GRM1: variants seen among roughly 807,000 people sequenced by gnomAD.
GRM1 encodes the protein metabotropic glutamate receptor 1.
GRM1 carries 33 observed loss-of-function variants against 90.9 expected under a neutral mutation model. The ratio of observed to expected loss-of-function variants is 0.36; its 90% confidence interval spans 0.28 to 0.49. The LOEUF is 0.49. Among genes scored for constraint, GRM1 ranks in the 20% least tolerant of loss-of-function variants. The pLI is 0.99. For synonymous variants in GRM1, 700 were observed against 613.2 expected (o/e 1.14, Z -2.09); for missense variants, 1,190 against 1,534.3 (o/e 0.78, Z 3.75).
intron 5 of GRM1, among the ~76,000 whole-genome samples, chr6:146,371,661 C>T (rs992619138): frequency 1.2e-4 from 18 of 152,066 alleles, no homozygotes; most frequent in African/African-American, 4.1e-4. Context: ...CTACTATGTC[C>T]GTGAGTTCAA....
chr6:146,346,069 C>T (rs981558156), intron 3 of GRM1, among the ~76,000 whole-genome samples: 5 of 152,224 alleles, frequency 3.3e-5, no homozygotes, highest in African/African-American at 7.2e-5. Context: ...GATTGATCCT[C>T]GGCATCACTT....
chr6:146,301,089 C>G lies in GRM1; in HGVS notation c.951-3522C>G, dbSNP rs557961703. On this transcript the variant is annotated intron_variant, in intron 2 of 7. Coordinates refer to ENST00000282753, the MANE Select transcript of GRM1 (RefSeq NM_001278064.2). ...CATGATAGCATTCTCTAACACCTTACCTGTGATAGATTTAAGATCTCATAC... is the reference window on the plus strand; with the variant it reads ...CATGATAGCATTCTCTAACACCTTAGCTGTGATAGATTTAAGATCTCATAC... 1.2e-4 allele frequency among the ~76,000 whole-genome samples: 19 copies of G among 152,190 alleles called. No individual in the cohort carries two copies. The South Asian group carries it at 4.0e-3, about 32-fold the overall frequency.
At chr6:146,358,093 A>G (rs1785658221) in intron 5 of GRM1, among the ~76,000 whole-genome samples, 1 of 152,214 alleles carries the variant, frequency 6.6e-6, no homozygotes, top group Non-Finnish European at 1.5e-5. Context: ...AACAACCAAA[A>G]TACCAGAAGT....
chr6:146,363,246 C>T (rs1775558871), intron 5 of GRM1, among the ~76,000 whole-genome samples: 2 of 152,196 alleles, frequency 1.3e-5, no homozygotes, highest in African/African-American at 4.8e-5. Flanking sequence ...CTTCAAGCCT[C>T]TGCAGAGATT....
intron 1 of GRM1, among the ~76,000 whole-genome samples, chr6:146,072,448 G>T (rs6929892): frequency 0.021 from 3,238 of 152,102 alleles, 111 homozygotes; most frequent in African/African-American, 0.074. Flanking sequence ...AAGAACCAAT[G>T]GATAAAACTT....
At chr6:146,359,524 A>G (rs1775379081) in intron 5 of GRM1, among the ~76,000 whole-genome samples, 1 of 152,202 alleles carries the variant, frequency 6.6e-6, no homozygotes, top group Non-Finnish European at 1.5e-5. Flanking sequence ...CAGGTTATAT[A>G]TGGAAAAAAT....
At chr6:146,245,547 T>A (rs1213461292) in intron 2 of GRM1, among the ~76,000 whole-genome samples, 1 of 152,188 alleles carries the variant, frequency 6.6e-6, no homozygotes, top group East Asian at 1.9e-4. Context: ...CAAGGACAGA[T>A]GATCAGATTT....
At chr6:146,344,563 T>C (rs1257519244) in intron 3 of GRM1, among the ~76,000 whole-genome samples, 4 of 152,192 alleles carry the variant, frequency 2.6e-5, no homozygotes, top group Admixed American at 1.3e-4. Flanking sequence ...GGGATAGATA[T>C]TGACTAAAGT....
chr6:146,040,530 G>C (rs1791060623), intron 1 of GRM1, among the ~76,000 whole-genome samples: 1 of 151,930 alleles, frequency 6.6e-6, no homozygotes, highest in African/African-American at 2.4e-5. Context: ...AGTTAGCTTT[G>C]CTGGGTACAG....
chr6:146,426,014 CAACAGGTGGGTCTG>C (rs1048657916), intron 7 of GRM1, among the ~76,000 whole-genome samples: 39 of 152,326 alleles, frequency 2.6e-4, no homozygotes, highest in African/African-American at 8.9e-4. Flanking sequence ...CTTCCAATCT[CAACAGGTGGGTCTG>C]TTGCTGCTCC....
intron 6 of GRM1, 73 bp downstream of exon 6, chr6:146,387,089 A>T: frequency 7.4e-7 from 1 of 1,359,514 alleles, no homozygotes; most frequent in Non-Finnish European, 1.1e-6. Context: ...CTCAAATGAG[A>T]ATGATTAGCT....
chr6:146,379,128 G>A (rs1776220330), intron 5 of GRM1, among the ~76,000 whole-genome samples: 1 of 151,970 alleles, frequency 6.6e-6, no homozygotes. Flanking sequence ...TCTATATTTG[G>A]GAAGTTCTCT....
chr6:146,333,900 GA>G (rs753131503), intron 3 of GRM1, among the ~76,000 whole-genome samples: 12 of 149,206 alleles, frequency 8.0e-5, no homozygotes, highest in East Asian at 3.9e-4. Flanking sequence ...ACAGAAAAAG[GA>G]AAAAAAAATG....
chr6:146,399,812 T>A lies in GRM1; in HGVS notation c.2660+113T>A. 1 of 743,976 alleles carries A rather than the reference T, an allele frequency of 1.3e-6. No homozygotes were observed. Among genetic ancestry groups the A allele is most frequent in the Non-Finnish European group, 2.3e-6 (1 of 430,394 alleles). The allele number at this position is 743,976 out of a possible 1,614,324, so 46.1% of individuals were successfully genotyped here. A position where few individuals can be genotyped will look rare whatever the true frequency, so the allele number is the denominator to read the frequency against. On this transcript the variant is annotated intron_variant, in intron 7 of 7. Coordinates refer to ENST00000282753, the MANE Select transcript of GRM1 (RefSeq NM_001278064.2). The surrounding 1 kb of genome is among the most constrained non-coding windows in gnomAD (Gnocchi z 5.4). ...CATATCTTCCTCTAGTTTTCTGAGT[T>A]GTCTCTTCCATTTCCCCCATGTCTT...
At chr6:146,318,040 G>T (rs1364212826) in intron 3 of GRM1, among the ~76,000 whole-genome samples, 44 of 152,192 alleles carry the variant, frequency 2.9e-4, no homozygotes, top group Admixed American at 2.8e-3. Flanking sequence ...TGGGATACAT[G>T]TGCAGAATGC....
At chr6:146,116,342 CAA>C (rs1206608166) in intron 1 of GRM1, among the ~76,000 whole-genome samples, 4 of 152,248 alleles carry the variant, frequency 2.6e-5, no homozygotes, top group African/African-American at 9.6e-5. Flanking sequence ...TGAATTTTAT[CAA>C]AGACTTTTTC....
chr6:146,302,910 G>GAGGA lies in GRM1; in HGVS notation c.951-1676_951-1673dup, dbSNP rs368002136. 7.8e-3 allele frequency among the ~76,000 whole-genome samples: 1,184 copies of GAGGA among 151,580 alleles called. 8 individuals carry two copies. The highest frequency in any genetic ancestry group is 0.051 in the Middle Eastern group (15 of 294). On this transcript the variant is annotated intron_variant, in intron 2 of 7. Transcript: ENST00000282753. The stretch of plus-strand genomic sequence containing the variant: ...GAACGAAGGGAGGAAGGGAGGGAGG[G>GAGGA]AGGAAGGAAGGAAGGAAGGAAGGAA...
intron 3 of GRM1, among the ~76,000 whole-genome samples, chr6:146,306,643 T>G (rs905639889): frequency 6.6e-6 from 1 of 152,148 alleles, no homozygotes; most frequent in African/African-American, 2.4e-5. Context: ...ATTTACATTT[T>G]CATTCAGGGT....
chr6:146,380,465 T>C (rs1776281057), intron 5 of GRM1, among the ~76,000 whole-genome samples: 1 of 151,914 alleles, frequency 6.6e-6, no homozygotes, highest in Non-Finnish European at 1.5e-5. Context: ...ACCCCTGATG[T>C]TCCCTTAAGG....
Sources: gnomAD v4.1 joint callset for allele counts (sites outside exome capture counted in the v4.1 genomes callset) on GRCh38, gnomAD v4.1.1 for gene constraint, Gnocchi (gnomAD v3.1) non-coding constraint, MANE v1.5 for transcripts, NCBI Gene and HGNC (gene_info 2026-07-23, HGNC 2026-07-21) for gene names.